The following MYO9A variants were observed in gnomAD, a reference collection of about 807,000 sequenced individuals.
MYO9A encodes myosin IXA.
In MYO9A, 103 loss-of-function variants were observed where a neutral mutation model predicts 293.3. The observed-to-expected ratio is 0.35, with a 90% CI of 0.30 to 0.41. MYO9A has a LOEUF of 0.41. Ranked by LOEUF, MYO9A falls within the 10% of genes least tolerant of loss-of-function variation. The probability of loss-of-function intolerance (pLI) is 1.00; values close to 1 mark genes in which losing one functional copy is unlikely to be tolerated. For synonymous variants in MYO9A, 1,001 were observed against 1,035.7 expected (o/e 0.97, Z 0.64); for missense variants, 2,685 against 3,033.0 (o/e 0.89, Z 2.69).
At chr15:72,018,276 T>C (rs1436361798) in intron 6 of MYO9A, among the ~76,000 whole-genome samples, 1 of 151,922 alleles carries the variant, frequency 6.6e-6, no homozygotes, top group Non-Finnish European at 1.5e-5. Flanking sequence ...AAGACCAGCC[T>C]GGACAATATG....
chr15:72,042,989 G>A (rs1331717368), intron 2 of MYO9A, among the ~76,000 whole-genome samples: 1 of 151,870 alleles, frequency 6.6e-6, no homozygotes, highest in Non-Finnish European at 1.5e-5. Flanking sequence ...AGGATCACTC[G>A]AGCCTGGAGA....
At chr15:71,935,539 C>A in intron 16 of MYO9A, 55 bp from the exon 17 acceptor site, 1 of 1,445,722 alleles carries the variant, frequency 6.9e-7, no homozygotes, top group South Asian at 1.4e-5. Flanking sequence ...CACTATACTG[C>A]TTAAATAAGT....
intron 4 of MYO9A, among the ~76,000 whole-genome samples, chr15:72,026,379 G>A (rs1290277036): frequency 2.7e-5 from 4 of 147,464 alleles, no homozygotes; most frequent in Non-Finnish European, 3.0e-5. Flanking sequence ...GGTTAAAGAA[G>A]TCACAAGCAA....
Position 71,904,006 on chromosome 15 carries a change from T to G in MYO9A, c.2800A>C (p.Arg934=), listed in dbSNP as rs1451270459. 1 of 1,613,916 alleles carries G rather than the reference T, an allele frequency of 6.2e-7. No homozygotes were observed. The highest frequency in any genetic ancestry group is 1.6e-4 in the Middle Eastern group (1 of 6,084). ...PLRFSDVLVL[R]QLRYTGMLET... ...AGCATCCCGGTGTATCGAAGCTGTC[T>G]AAGTACCAAGACATCACTGAACCTT... is the stretch of plus-strand genomic sequence containing the variant. Residue 934 remains arginine, a synonymous_variant, in exon 21 of 42, where the codon AGA becomes CGA. Coordinates refer to ENST00000356056, the MANE Select transcript of MYO9A (RefSeq NM_006901.4).
intron 13 of MYO9A, among the ~76,000 whole-genome samples, chr15:71,966,827 C>A (rs560447780): frequency 6.6e-6 from 1 of 152,176 alleles, no homozygotes; most frequent in Non-Finnish European, 1.5e-5. Context: ...AAACACAAGT[C>A]GTATCCTCTG....
At chr15:72,077,745 A>AT (rs1567015463) in intron 1 of MYO9A, among the ~76,000 whole-genome samples, 14 of 43,576 alleles carry the variant, frequency 3.2e-4, no homozygotes, top group East Asian at 2.7e-3. Context: ...AAAAAAAAAA[A>AT]AAAAAAAATA....
chr15:72,104,977 C>T (rs983853735), intron 1 of MYO9A, among the ~76,000 whole-genome samples: 9 of 151,878 alleles, frequency 5.9e-5, no homozygotes, highest in African/African-American at 2.2e-4. Flanking sequence ...TTTTTTAGTT[C>T]TAATGATTCA....
intron 13 of MYO9A, among the ~76,000 whole-genome samples, chr15:71,964,720 G>C (rs1386363345): frequency 3.3e-5 from 5 of 152,038 alleles, no homozygotes; most frequent in Non-Finnish European, 7.4e-5. Flanking sequence ...CCGGGAGGCA[G>C]AGGTTGCAGT....
chr15:72,102,861 A>C (rs2080405232), intron 1 of MYO9A, among the ~76,000 whole-genome samples: 1 of 152,112 alleles, frequency 6.6e-6, no homozygotes, highest in South Asian at 2.1e-4. Context: ...AAAAAAATAA[A>C]AGGTATAAGG....
rs28833566 is a variant in MYO9A at position 72,095,832 on chromosome 15, C to A, written c.-72+21848G>T. Among the ~76,000 whole-genome samples, 857 of 149,296 alleles carry A rather than the reference C, an allele frequency of 5.7e-3. 76 individuals are homozygous for A. Among genetic ancestry groups the A allele is most frequent in the African/African-American group, 0.02 (807 of 41,262 alleles). ...TGGTGGCTCACGCCTGTAATCCCAG[C>A]ACTTTGGGAGGCTGAGGCAAGCGGA... On this transcript the variant is annotated intron_variant, in intron 1 of 41. Transcript: ENST00000356056.
At chr15:72,090,437 A>C (rs1320537390) in intron 1 of MYO9A, among the ~76,000 whole-genome samples, 1 of 152,152 alleles carries the variant, frequency 6.6e-6, no homozygotes, top group African/African-American at 2.4e-5. Flanking sequence ...ATATTCCCAG[A>C]TTGCTTTATA....
intron 1 of MYO9A, among the ~76,000 whole-genome samples, chr15:72,082,281 T>A (rs1406234311): frequency 6.6e-6 from 1 of 152,188 alleles, no homozygotes; most frequent in Non-Finnish European, 1.5e-5. Flanking sequence ...TTATTCCTTT[T>A]GTGATGATTG....
chr15:72,118,078 G>GCGCGCCCCCGACCC lies in MYO9A; in HGVS notation c.-484_-471dup, dbSNP rs2081071337. ...GCCGCGTCCCTTATCCGCTTCGGTC[G>GCGCGCCCCCGACCC]CGCGCCCCCGACCCCGCGCACGCGG... On this transcript the variant is annotated 5_prime_UTR_variant, in exon 1 of 42. Coordinates refer to ENST00000356056, the MANE Select transcript of MYO9A (RefSeq NM_006901.4). The GCGCGCCCCCGACCC allele has an allele frequency of 2.5e-6, 1 of 393,928 alleles. No homozygotes were observed. The highest frequency in any genetic ancestry group is 2.1e-5 in the African/African-American group (1 of 48,298). 24.4% of individuals were successfully genotyped at this position (393,928 alleles called of 1,614,324 possible).
chr15:71,931,208 CT>C (rs1301892528), intron 18 of MYO9A, among the ~76,000 whole-genome samples: 1 of 152,080 alleles, frequency 6.6e-6, no homozygotes, highest in East Asian at 1.9e-4. Flanking sequence ...TATCACTGTC[CT>C]TTAGCTTGAA....
intron 35 of MYO9A, among the ~76,000 whole-genome samples, chr15:71,853,091 C>CTGAATGAATGAA (rs71131711): frequency 0.076 from 11,468 of 151,430 alleles, 451 homozygotes; most frequent in Non-Finnish European, 0.086. Context: ...AAGACTGTCT[C>CTGAATGAATGAA]TGAATGAATG....
At position 71,899,687 on chromosome 15, in the gene MYO9A, C is replaced by T. The variant is rs1188052813; in HGVS notation, c.3470G>A (p.Arg1157Lys). Reference sequence around the variant, plus strand: ...CAATTATTATAGTAATAGAGATTACCTTTGTCTTGCTCTGAATCCTCTACA... The same window carrying T: ...CAATTATTATAGTAATAGAGATTACTTTTGTCTTGCTCTGAATCCTCTACA... ...STCRGFRARQRFKALKEQRLR... is the reference protein window; with the variant it reads ...STCRGFRARQKFKALKEQRLR... Residue 1157 changes from arginine (R) to lysine (K), a missense_variant and splice_region_variant, in exon 24 of 42, where the codon AGA (arginine) becomes AAA (lysine). Coordinates refer to ENST00000356056, the MANE Select transcript of MYO9A (RefSeq NM_006901.4). 11 of 1,608,692 alleles carry T rather than the reference C, an allele frequency of 6.8e-6. No homozygotes were observed. The highest frequency in any genetic ancestry group is 3.4e-5 in the Admixed American group (2 of 59,306).
intron 1 of MYO9A, among the ~76,000 whole-genome samples, chr15:72,082,126 T>C (rs1267990984): frequency 1.3e-5 from 2 of 152,246 alleles, no homozygotes; most frequent in African/African-American, 2.4e-5. Context: ...TTGTGTAGTA[T>C]GGCCATTTTA....
chr15:72,101,107 G>A, intron 1 of MYO9A, among the ~76,000 whole-genome samples: 1 of 142,024 alleles, frequency 7.0e-6, no homozygotes, highest in Non-Finnish European at 1.5e-5. Context: ...CCCCGTCCGG[G>A]AGGGAGGTCG....
At position 72,046,011 on chromosome 15, in the gene MYO9A, C is replaced by CT; in HGVS notation, c.552dup (p.Val185SerfsTer3). 6.2e-7 allele frequency: 1 copy of CT among 1,613,982 alleles called. No homozygotes were observed. Among genetic ancestry groups the CT allele is most frequent in the Non-Finnish European group, 8.5e-7 (1 of 1,179,936 alleles). ...GGAAGAAACTTGAATGGGTTAATAA[C>CT]TATTAGAATACTGCCAACATAGGTA... On this transcript the variant is annotated frameshift_variant, in exon 2 of 42. Coordinates refer to ENST00000356056, the MANE Select transcript of MYO9A (RefSeq NM_006901.4). LOFTEE classifies it high-confidence loss of function.
Sources: allele counts gnomAD v4.1 joint callset (sites outside exome capture counted in the v4.1 genomes callset), GRCh38; gene constraint gnomAD v4.1.1; transcripts MANE v1.5; gene names NCBI Gene and HGNC (gene_info 2026-07-23, HGNC 2026-07-21).